Variants in RBFOX1 observed in about 807,000 individuals in gnomAD.
RBFOX1 encodes the protein RNA binding fox-1 homolog 1, also known as RNA binding protein fox-1 homolog 1.
In RBFOX1, 8 loss-of-function variants were observed where a neutral mutation model predicts 57.7. The ratio of observed to expected loss-of-function variants is 0.14; its 90% CI spans 0.08 to 0.25. The LOEUF (loss-of-function observed/expected upper bound fraction) is 0.25. RBFOX1 is among the 10% of genes least tolerant of loss of function. The pLI, the probability that RBFOX1 is intolerant of heterozygous loss-of-function variation, is 1.00. For synonymous variants in RBFOX1, 326 were observed against 222.4 expected (o/e 1.47, Z -4.15); for missense variants, 611 against 548.5 (o/e 1.11, Z -1.14).
intron 3 of RBFOX1, among the ~76,000 whole-genome samples, chr16:6,656,695 G>C (rs2098655642): frequency 6.6e-6 from 1 of 151,710 alleles, no homozygotes; most frequent in African/African-American, 2.4e-5. Context: ...TGTTTCTGAT[G>C]AGTTTTCCCA....
chr16:7,167,224 G>T (rs62013898), intron 4 of RBFOX1, among the ~76,000 whole-genome samples: 14,307 of 151,696 alleles, frequency 0.094, 1,000 homozygotes, highest in Non-Finnish European at 0.14. Flanking sequence ...GACCTTAAGT[G>T]ATCTGCCAGC....
chr16:7,060,140 T>A (rs781706672), intron 4 of RBFOX1, among the ~76,000 whole-genome samples: 4 of 152,146 alleles, frequency 2.6e-5, no homozygotes, highest in Non-Finnish European at 5.9e-5. Flanking sequence ...AAAAGCCAGA[T>A]TGTGACTATT....
intron 3 of RBFOX1, among the ~76,000 whole-genome samples, chr16:6,696,848 C>G (rs1203984994): frequency 6.6e-6 from 1 of 152,166 alleles, no homozygotes; most frequent in Non-Finnish European, 1.5e-5. Context: ...AGGTTGTGCT[C>G]TACTGAGAAA....
chr16:5,297,608 T>C (rs1207944400), intron 1 of RBFOX1, among the ~76,000 whole-genome samples: 1 of 152,180 alleles, frequency 6.6e-6, no homozygotes, highest in Admixed American at 6.6e-5. Context: ...TGAGTTGAGT[T>C]CTTTATATGT....
At position 7,712,893 on chromosome 16, in the gene RBFOX1, TG is replaced by T. The variant is rs2084208182; in HGVS notation, c.*2150del. ...CACAAACATAGAATTCTTACTGTGT[TG>T]GTTAAAGTAAAATTCATTTGCAGTT... On this transcript the variant is annotated 3_prime_UTR_variant, in exon 16 of 16. Transcript: ENST00000550418. 6.6e-6 allele frequency: 1 copy of T among 152,400 alleles called. No homozygotes were observed. Among genetic ancestry groups the T allele is most frequent in the South Asian group, 2.1e-4 (1 of 4,834 alleles). The allele number at this position is 152,400 out of a possible 1,614,324, so 9.4% of individuals were successfully genotyped here. A position where few individuals can be genotyped will look rare whatever the true frequency, so the allele number is the denominator to read the frequency against.
intron 14 of RBFOX1, among the ~76,000 whole-genome samples, chr16:7,703,895 G>C (rs2081563381): frequency 6.6e-6 from 1 of 152,206 alleles, no homozygotes; most frequent in Non-Finnish European, 1.5e-5. Flanking sequence ...ATATTAGAAT[G>C]GAATTTTTCA....
intron 3 of RBFOX1, among the ~76,000 whole-genome samples, chr16:5,688,578 C>T (rs548379777): frequency 6.6e-6 from 1 of 152,128 alleles, no homozygotes; most frequent in East Asian, 1.9e-4. Flanking sequence ...TGCAGTTGGT[C>T]TGGTCCCAAC....
intron 4 of RBFOX1, among the ~76,000 whole-genome samples, chr16:7,166,950 C>A (rs28659795): frequency 0.015 from 2,044 of 140,080 alleles, 48 homozygotes; most frequent in African/African-American, 0.054. Flanking sequence ...GAGAGAAAGC[C>A]CCAGATTGCT....
intron 3 of RBFOX1, among the ~76,000 whole-genome samples, chr16:6,787,993 T>TC (rs568756215): frequency 6.6e-6 from 1 of 151,750 alleles, no homozygotes; most frequent in African/African-American, 2.4e-5. Context: ...GAGTCCGAGG[T>TC]GGGGGGACCG....
intron 4 of RBFOX1, among the ~76,000 whole-genome samples, chr16:7,411,979 C>T (rs988173367): frequency 5.9e-5 from 9 of 151,510 alleles, no homozygotes; most frequent in Non-Finnish European, 1.3e-4. Flanking sequence ...AGAGTCACGG[C>T]CGCCCAGATG....
Position 6,873,403 on chromosome 16 carries a change from AAAG to A in RBFOX1, c.-15-178647_-15-178645del, listed in dbSNP as rs770928424. On this transcript the variant is annotated intron_variant, in intron 3 of 15. Transcript: ENST00000550418. ...TGAGTTATGTAAGCAGAATGCAATTAAAGAAGAAGTGCTCACTATGACTACCTA... is the reference window on the plus strand; with the variant it reads ...TGAGTTATGTAAGCAGAATGCAATTAAAGAAGTGCTCACTATGACTACCTA... Among the ~76,000 whole-genome samples, 15 of 150,514 alleles carry A rather than the reference AAAG, an allele frequency of 1.0e-4. 1 individual carries two copies. Among genetic ancestry groups the A allele is most frequent in the Non-Finnish European group, 1.9e-4 (13 of 68,012 alleles).
At chr16:7,117,658 A>G (rs2066205879) in intron 4 of RBFOX1, among the ~76,000 whole-genome samples, 2 of 152,242 alleles carry the variant, frequency 1.3e-5, no homozygotes, top group South Asian at 4.1e-4. Context: ...TGCATAGCAC[A>G]TTACCACCTG....
At chr16:6,796,470 C>T (rs1031933150) in intron 3 of RBFOX1, among the ~76,000 whole-genome samples, 2 of 152,158 alleles carry the variant, frequency 1.3e-5, no homozygotes, top group African/African-American at 2.4e-5. Context: ...AACACTCTTC[C>T]ACTATATCAT....
At chr16:6,392,893 A>G (rs2092668067) in intron 2 of RBFOX1, among the ~76,000 whole-genome samples, 1 of 152,244 alleles carries the variant, frequency 6.6e-6, no homozygotes, top group Admixed American at 6.5e-5. Context: ...ACGCAACACC[A>G]GATGAAGGAT....
At chr16:7,650,651 C>G (rs1403618573) in intron 11 of RBFOX1, among the ~76,000 whole-genome samples, 1 of 152,188 alleles carries the variant, frequency 6.6e-6, no homozygotes. Context: ...CTGCTTGTGG[C>G]TGAGAGGGAG....
At chr16:6,896,022 C>T (rs1436204134) in intron 3 of RBFOX1, among the ~76,000 whole-genome samples, 1 of 151,958 alleles carries the variant, frequency 6.6e-6, no homozygotes, top group Non-Finnish European at 1.5e-5. Context: ...ATGGGATATC[C>T]ATTGGGTTGG....
In RBFOX1 at chr16:7,404,028, C is replaced by A. The variant is rs61113927; in HGVS notation, c.28-114119C>A. Among the ~76,000 whole-genome samples the A allele has an allele frequency of 5.1e-3, 666 of 129,996 alleles. 5 individuals carry two copies. The highest frequency in any genetic ancestry group is 7.2e-3 in the Admixed American group (90 of 12,520). 85.3% of individuals were successfully genotyped at this position (129,996 alleles called of 152,430 possible). ...GGAGTGCATATCCTGATTTCATTTC[C>A]TTTTATTTTATTTTATTTTATTTTA... On this transcript the variant is annotated intron_variant, in intron 4 of 15. Coordinates refer to ENST00000550418, the MANE Select transcript of RBFOX1 (RefSeq NM_018723.4).
chr16:7,223,362 T>G (rs1020399672), intron 4 of RBFOX1, among the ~76,000 whole-genome samples: 1 of 152,252 alleles, frequency 6.6e-6, no homozygotes, highest in Admixed American at 6.5e-5. Context: ...TAGAAAGGGC[T>G]TCAGAGTTTG....
At chr16:5,493,956 A>G (rs1035122748) in intron 2 of RBFOX1, among the ~76,000 whole-genome samples, 4 of 152,220 alleles carry the variant, frequency 2.6e-5, no homozygotes, top group East Asian at 1.9e-4. Flanking sequence ...AAGAAAAAGG[A>G]TAGAAAATAA....
Sources: allele counts gnomAD v4.1 joint callset (sites outside exome capture counted in the v4.1 genomes callset), GRCh38; gene constraint gnomAD v4.1.1; transcripts MANE v1.5; gene names NCBI Gene and HGNC (gene_info 2026-07-23, HGNC 2026-07-21).